The following C5orf34 variants were observed in gnomAD, a reference collection of about 807,000 sequenced individuals.
C5orf34 encodes the protein uncharacterized protein C5orf34.
Under a neutral mutation model 78.4 loss-of-function variants are expected in C5orf34, and 73 were observed. The observed-to-expected ratio is 0.93, with a 90% CI of 0.77 to 1.13. C5orf34 has a LOEUF of 1.13. Ranked by LOEUF, C5orf34 falls within the 50% of genes most tolerant of loss-of-function variation. The pLI is 0.00. For missense variants in C5orf34, 730 were observed against 732.7 expected (o/e 1.00, Z 0.04); for synonymous variants, 251 against 246.6 (o/e 1.02, Z -0.17).
rs776653300 is a variant in C5orf34 at position 43,506,403 on chromosome 5, A to G, written c.286-9T>C. ...ATGTCAATGAAGATATGCTGCAAGGAGAGGGGAAAAGAGACGGTGAGTATT... is the reference window on the plus strand; with the variant it reads ...ATGTCAATGAAGATATGCTGCAAGGGGAGGGGAAAAGAGACGGTGAGTATT... On this transcript the variant is annotated splice_polypyrimidine_tract_variant and intron_variant, in intron 3 of 12. Coordinates refer to ENST00000306862, the MANE Select transcript of C5orf34 (RefSeq NM_198566.4). 1 of 1,572,292 alleles carries G rather than the reference A, an allele frequency of 6.4e-7. No individual in the cohort carries two copies. Among genetic ancestry groups the G allele is most frequent in the Non-Finnish European group, 8.6e-7 (1 of 1,161,768 alleles).
intron 4 of C5orf34, among the ~76,000 whole-genome samples, chr5:43,504,817 C>T (rs1040984740): frequency 2.6e-5 from 4 of 152,276 alleles, no homozygotes; most frequent in African/African-American, 9.6e-5. Context: ...ACTTTTGAAG[C>T]ATAATTCCCT....
chr5:43,513,446 G>T (rs1746359921), intron 1 of C5orf34, among the ~76,000 whole-genome samples: 1 of 152,130 alleles, frequency 6.6e-6, no homozygotes, highest in African/African-American at 2.4e-5. Context: ...GCATACAGTA[G>T]TGCCCAGAGG....
At chr5:43,503,388 A>C (rs1745844387) in intron 5 of C5orf34, among the ~76,000 whole-genome samples, 1 of 152,238 alleles carries the variant, frequency 6.6e-6, no homozygotes, top group Middle Eastern at 3.2e-3. Flanking sequence ...AACTGATATG[A>C]ATGTTACATT....
At chr5:43,513,023 C>A (rs982383053) in intron 1 of C5orf34, among the ~76,000 whole-genome samples, 2 of 152,186 alleles carry the variant, frequency 1.3e-5, no homozygotes, top group South Asian at 4.2e-4. Flanking sequence ...ACCTCGTGAT[C>A]CACCCGTTTT....
intron 12 of C5orf34, 39 bp downstream of exon 12, chr5:43,487,869 GA>G (rs1166407409): frequency 1.4e-6 from 2 of 1,448,310 alleles, no homozygotes; most frequent in Non-Finnish European, 1.9e-6. Flanking sequence ...GAATGAAAGA[GA>G]GTAATTATGT....
chr5:43,495,838 G>A (rs1170400812), intron 6 of C5orf34: 5 of 1,587,196 alleles, frequency 3.2e-6, no homozygotes, highest in Non-Finnish European at 4.3e-6. Context: ...GCCAAGGCAT[G>A]TTAGCACTCG....
chr5:43,490,611 T>A lies in C5orf34; in HGVS notation c.1679+20A>T, dbSNP rs926358074. 1.4e-6 allele frequency: 2 copies of A among 1,471,418 alleles called. No individual in the cohort carries two copies. Among genetic ancestry groups the A allele is most frequent in the African/African-American group, 2.8e-5 (2 of 71,992 alleles). 91.1% of individuals were successfully genotyped at this position (1,471,418 alleles called of 1,614,324 possible). A position where few individuals can be genotyped will look rare whatever the true frequency, so the allele number is the denominator to read the frequency against. ...AAGTATTAGCTCTTCTAAACAGATT[T>A]AAGTTTAAAAGAAAAATACCAATTT... On this transcript the variant is annotated intron_variant, in intron 11 of 12. Transcript: ENST00000306862.
chr5:43,489,297 A>G (rs1017541125), intron 11 of C5orf34, among the ~76,000 whole-genome samples: 28 of 152,092 alleles, frequency 1.8e-4, no homozygotes, highest in African/African-American at 5.8e-4. Flanking sequence ...TTATTGTACA[A>G]TCTTGTTTCT....
intron 1 of C5orf34, among the ~76,000 whole-genome samples, chr5:43,510,448 G>GTCTCCC (rs1232768327): frequency 6.6e-6 from 1 of 151,986 alleles, no homozygotes; most frequent in African/African-American, 2.4e-5. Flanking sequence ...TCTCCCCACG[G>GTCTCCC]TCTCCCTCTC....
In C5orf34 at chr5:43,487,919, C is replaced by T. The variant is rs1257850953; in HGVS notation, c.1710G>A (p.Gln570=). The part of the protein sequence containing the change: ...WSVASELEKI[Q]KFNLLLENSG... Reference sequence around the variant, plus strand: ...CTGTTTAAAGGATACAGTTAAACTTCTGTATCTTTTCAAGTTCAGAAGCAA... The same window carrying T: ...CTGTTTAAAGGATACAGTTAAACTTTTGTATCTTTTCAAGTTCAGAAGCAA... Residue 570 remains glutamine, a synonymous_variant, in exon 12 of 13, where the codon CAG becomes CAA. Transcript: ENST00000306862. 1.9e-6 allele frequency: 3 copies of T among 1,604,592 alleles called. No homozygotes were observed. The highest frequency in any genetic ancestry group is 1.7e-5 in the Admixed American group (1 of 59,486).
intron 6 of C5orf34, chr5:43,496,468 G>T (rs956663382): frequency 1.2e-5 from 19 of 1,557,866 alleles, no homozygotes; most frequent in Non-Finnish European, 1.6e-5. Context: ...GGCTTTTAGG[G>T]GTAGTTTTCA....
chr5:43,507,686 G>A (rs1450370789), intron 3 of C5orf34, among the ~76,000 whole-genome samples: 2 of 152,210 alleles, frequency 1.3e-5, no homozygotes, highest in African/African-American at 2.4e-5. Context: ...AGAGTTTACA[G>A]AGTCAGATAG....
chr5:43,487,297 A>G (rs999384237), intron 12 of C5orf34, among the ~76,000 whole-genome samples, 186 bp from the exon 13 acceptor site: 28 of 152,144 alleles, frequency 1.8e-4, no homozygotes, highest in African/African-American at 6.8e-4. Flanking sequence ...ATTACAGTAT[A>G]AGGGAGGGGG....
Position 43,506,163 on chromosome 5 carries a change from G to T in C5orf34, c.517C>A (p.Leu173Ile). 6.2e-7 allele frequency: 1 copy of T among 1,614,092 alleles called. No individual in the cohort carries two copies. The highest frequency in any genetic ancestry group is 8.5e-7 in the Non-Finnish European group (1 of 1,180,006). Residue 173 changes from leucine to isoleucine, a missense_variant, in exon 4 of 13, where the codon CTA becomes ATA. Physicochemically the swap from Leu to Ile is conservative, Grantham distance 5. Coordinates refer to ENST00000306862, the MANE Select transcript of C5orf34 (RefSeq NM_198566.4). ...CAGATTTTGCCAGTTTTTTCAACTA[G>T]TTTATCTTTTGGGGCTTTATTATTT... Reference protein sequence around the residue: ...ETNNKAPKDKLVEKTGKICIR... With the variant: ...ETNNKAPKDKIVEKTGKICIR...
At position 43,487,052 on chromosome 5, in the gene C5orf34, A is replaced by C. The variant is rs1745099368; in HGVS notation, c.1780T>G (p.Ser594Ala). ...QISNKKNEQQ[S>A]FDHYKPGSSE... is the part of the protein sequence containing the mutation. ...GATCCTGGTTTATAATGATCAAAAG[A>C]CTGTTGTTCATTTTTCTTGTTAGAA... is the stretch of plus-strand genomic sequence containing the variant. Residue 594 changes from serine to alanine, a missense_variant, in exon 13 of 13, where the codon TCT becomes GCT. Physicochemically the swap from Ser to Ala is moderately conservative, Grantham distance 99. Coordinates refer to ENST00000306862, the MANE Select transcript of C5orf34 (RefSeq NM_198566.4). The C allele has an allele frequency of 1.9e-6, 3 of 1,572,950 alleles. No individual in the cohort carries two copies. The South Asian group carries it at 3.6e-5, about 19-fold the overall frequency.
Position 43,486,987 on chromosome 5 carries a change from T to TA in C5orf34, c.1844dup (p.Ser616IlefsTer9), listed in dbSNP as rs750022308. On this transcript the variant is annotated frameshift_variant, in exon 13 of 13. Coordinates refer to ENST00000306862, the MANE Select transcript of C5orf34 (RefSeq NM_198566.4). LOFTEE classifies it high-confidence loss of function. Reference sequence around the variant, plus strand: ...CAGAGGTTTTTTTCAATGCTATTGATACTCTATTTTCATTAACTTCTCCTA... The same window carrying TA: ...CAGAGGTTTTTTTCAATGCTATTGATAACTCTATTTTCATTAACTTCTCCTA... 44 of 1,589,492 alleles carry TA rather than the reference T, an allele frequency of 2.8e-5. No homozygotes were observed. Among genetic ancestry groups the TA allele is most frequent in the Non-Finnish European group, 3.4e-5 (40 of 1,167,770 alleles).
At position 43,496,174 on chromosome 5, in the gene C5orf34, C is replaced by T. The variant is rs185172442; in HGVS notation, c.1153-1573G>A. 1.5e-4 allele frequency: 235 copies of T among 1,537,758 alleles called. 1 individual carries two copies. In the African/African-American group the frequency reaches 2.8e-3, roughly 18 times the overall value. On this transcript the variant is annotated intron_variant, in intron 6 of 12. Transcript: ENST00000306862. ...CATGTTTTTGATGAAGTCTCTGAGT[C>T]CTGGGGCATCAATGATAGTCACATA...
At chr5:43,491,003 A>C (rs1040955835) in intron 10 of C5orf34, among the ~76,000 whole-genome samples, 1 of 152,200 alleles carries the variant, frequency 6.6e-6, no homozygotes, top group Admixed American at 6.5e-5. Flanking sequence ...TTTGGATTTC[A>C]TTTAAAGTTC....
intron 6 of C5orf34, chr5:43,495,309 C>G: frequency 6.2e-7 from 1 of 1,611,198 alleles, no homozygotes; most frequent in Non-Finnish European, 8.5e-7. Flanking sequence ...AGCTTTTTAC[C>G]AGAACCGCGA....
Sources: gnomAD v4.1 joint callset for allele counts (sites outside exome capture counted in the v4.1 genomes callset) on GRCh38, gnomAD v4.1.1 for gene constraint, MANE v1.5 for transcripts, NCBI Gene and HGNC (gene_info 2026-07-23, HGNC 2026-07-21) for gene names.